The following ZNF366 variants were observed in gnomAD, a reference collection of about 807,000 sequenced individuals.
ZNF366 encodes zinc finger protein 366.
ZNF366 carries 20 observed loss-of-function variants against 47.2 expected under a neutral mutation model. That is an observed-to-expected ratio of 0.42 (90% CI 0.30 to 0.62). The LOEUF (loss-of-function observed/expected upper bound fraction) is 0.62, where lower values mean the gene tolerates loss of function less well. Ranked by LOEUF, ZNF366 falls within the 20% of genes least tolerant of loss-of-function variation. The pLI, the probability that ZNF366 is intolerant of heterozygous loss-of-function variation, is 0.16. For missense variants in ZNF366, 987 were observed against 976.3 expected, an observed-to-expected ratio of 1.01 and a Z score of -0.15; for synonymous variants, 421 against 395.1, an observed-to-expected ratio of 1.07 and a Z score of -0.78.
In ZNF366 at chr5:72,446,692, A is replaced by G. The variant is rs57345064; in HGVS notation, c.1699+551T>C. Among the ~76,000 whole-genome samples the G allele has an allele frequency of 6.2e-3, 947 of 152,354 alleles. 8 individuals carry two copies. Among genetic ancestry groups the G allele is most frequent in the African/African-American group, 0.021 (889 of 41,584 alleles). On this transcript the variant is annotated intron_variant, in intron 4 of 4. Coordinates refer to ENST00000318442, the MANE Select transcript of ZNF366 (RefSeq NM_152625.3). Reference sequence around the variant, plus strand: ...TGGGTGTGTCTGATTGTGAACAAGTAGGAAAGACCTAGCCTGCTACCAACA... The same window carrying G: ...TGGGTGTGTCTGATTGTGAACAAGTGGGAAAGACCTAGCCTGCTACCAACA...
chr5:72,479,414 A>AAAAAATT (rs1743741312), intron 1 of ZNF366, among the ~76,000 whole-genome samples: 1 of 152,004 alleles, frequency 6.6e-6, no homozygotes, highest in Non-Finnish European at 1.5e-5. Context: ...TAAAAAAATT[A>AAAAAATT]AAAAATTAAA....
chr5:72,461,061 CAA>C lies in ZNF366; in HGVS notation c.434_435del (p.Phe145TrpfsTer11). The C allele has an allele frequency of 6.2e-7, 1 of 1,614,126 alleles. No homozygotes were observed. The highest frequency in any genetic ancestry group is 8.5e-7 in the Non-Finnish European group (1 of 1,180,032). ...GFQFYRSLEH[F>X]GGKPVKQEPI... ...GGTTCCTGCTTGACGGGCTTGCCCC[CAA>C]AGTGTTCCAGGCTGCGGTAGAATTG... On this transcript the variant is annotated frameshift_variant, in exon 2 of 5. Transcript: ENST00000318442. LOFTEE classifies it high-confidence loss of function.
chr5:72,446,402 C>T (rs925454444), intron 4 of ZNF366, among the ~76,000 whole-genome samples: 6 of 152,306 alleles, frequency 3.9e-5, no homozygotes, highest in Admixed American at 1.3e-4. Flanking sequence ...TAGTATCTGC[C>T]GCTGCGTGTA....
chr5:72,486,243 A>G (rs1743890567), intron 1 of ZNF366, among the ~76,000 whole-genome samples: 1 of 152,200 alleles, frequency 6.6e-6, no homozygotes, highest in Non-Finnish European at 1.5e-5. Context: ...AGCTTAGCCT[A>G]TGCACCTGAA....
chr5:72,506,674 G>A (rs946619913), intron 1 of ZNF366, among the ~76,000 whole-genome samples: 2 of 152,166 alleles, frequency 1.3e-5, no homozygotes, highest in Non-Finnish European at 2.9e-5. Flanking sequence ...TGGGGAACCT[G>A]AACACATAAG....
chr5:72,498,218 A>G (rs981634854), intron 1 of ZNF366, among the ~76,000 whole-genome samples: 2 of 152,130 alleles, frequency 1.3e-5, no homozygotes, highest in Non-Finnish European at 2.9e-5. Flanking sequence ...TATTTTTAAC[A>G]TTTTAAGTCT....
chr5:72,464,367 G>A (rs963554079), intron 1 of ZNF366, among the ~76,000 whole-genome samples: 3 of 152,122 alleles, frequency 2.0e-5, no homozygotes, highest in Admixed American at 6.5e-5. Context: ...GTCTATGCAC[G>A]TTATTATTGC....
Position 72,465,315 on chromosome 5 carries a change from C to T in ZNF366, c.-14-3805G>A, listed in dbSNP as rs564360392. On this transcript the variant is annotated intron_variant, in intron 1 of 4. Coordinates refer to ENST00000318442, the MANE Select transcript of ZNF366 (RefSeq NM_152625.3). ...CAGCACCAGGTGATAAGGAGAAGCC[C>T]GAGGTGGTGAAACAACAACAACAAC... 7.2e-5 allele frequency among the ~76,000 whole-genome samples: 11 copies of T among 152,090 alleles called. No homozygotes were observed. The South Asian group carries it at 2.1e-3, about 29-fold the overall frequency.
intron 1 of ZNF366, among the ~76,000 whole-genome samples, chr5:72,486,219 G>A (rs1228608625): frequency 1.3e-5 from 2 of 152,200 alleles, no homozygotes; most frequent in Non-Finnish European, 2.9e-5. Context: ...AACATCTGTT[G>A]ACTGTGAGAC....
At chr5:72,455,606 G>T (rs1398408972) in intron 3 of ZNF366, among the ~76,000 whole-genome samples, 3 of 152,204 alleles carry the variant, frequency 2.0e-5, no homozygotes, top group African/African-American at 4.8e-5. Flanking sequence ...CTCTTGTGGG[G>T]TGGGGACAGC....
intron 1 of ZNF366, among the ~76,000 whole-genome samples, chr5:72,490,084 C>A (rs1170817855): frequency 6.6e-6 from 1 of 152,216 alleles, no homozygotes; most frequent in Non-Finnish European, 1.5e-5. Context: ...TTCCTCCTTG[C>A]TGACTCCTTA....
At chr5:72,452,993 G>A (rs1387438438) in intron 3 of ZNF366, among the ~76,000 whole-genome samples, 1 of 152,172 alleles carries the variant, frequency 6.6e-6, no homozygotes, top group Non-Finnish European at 1.5e-5. Context: ...AACAGCAAAA[G>A]AGCCGAGAAG....
intron 1 of ZNF366, among the ~76,000 whole-genome samples, chr5:72,498,514 T>C (rs1054203489): frequency 1.3e-5 from 2 of 152,218 alleles, no homozygotes; most frequent in Non-Finnish European, 2.9e-5. Context: ...ACACAGTAAG[T>C]GAATGAAGTG....
chr5:72,452,330 T>C (rs1743090817), intron 3 of ZNF366, among the ~76,000 whole-genome samples: 1 of 152,146 alleles, frequency 6.6e-6, no homozygotes, highest in South Asian at 2.1e-4. Flanking sequence ...CTTTGAAAAG[T>C]ACAAGAGAAA....
intron 3 of ZNF366, among the ~76,000 whole-genome samples, chr5:72,448,074 A>G (rs1742993518): frequency 6.6e-6 from 1 of 152,242 alleles, no homozygotes; most frequent in Admixed American, 6.5e-5. Flanking sequence ...ATTCTTATAT[A>G]CAATGTATTA....
At chr5:72,446,603 GGT>G (rs1742963782) in intron 4 of ZNF366, among the ~76,000 whole-genome samples, 1 of 152,166 alleles carries the variant, frequency 6.6e-6, no homozygotes, top group Non-Finnish European at 1.5e-5. Flanking sequence ...CAGTGGGGGA[GGT>G]GTAAACCCCT....
At position 72,440,488 on chromosome 5, in the gene ZNF366, G is replaced by A. The variant is rs1052499328; in HGVS notation, c.*3268C>T. 3 of 152,214 alleles carry A rather than the reference G, an allele frequency of 2.0e-5. No homozygotes were observed. Among genetic ancestry groups the A allele is most frequent in the Admixed American group, 1.3e-4 (2 of 15,270 alleles). 9.4% of individuals were successfully genotyped at this position (152,214 alleles called of 1,614,324 possible). A position where few individuals can be genotyped will look rare whatever the true frequency, so the allele number is the denominator to read the frequency against. On this transcript the variant is annotated 3_prime_UTR_variant, in exon 5 of 5. Transcript: ENST00000318442. ...AGCATTTGGTAGTGACCTATTTTCA[G>A]AGTCTCACAATATGATATTCTGGTT...
At chr5:72,455,991 G>C (rs948995906) in intron 3 of ZNF366, among the ~76,000 whole-genome samples, 10 of 152,198 alleles carry the variant, frequency 6.6e-5, no homozygotes, top group Admixed American at 6.5e-4. Flanking sequence ...TGTGCTAGAA[G>C]CTTCTCTGAC....
chr5:72,475,288 G>A (rs1376491390), intron 1 of ZNF366, among the ~76,000 whole-genome samples: 1 of 152,182 alleles, frequency 6.6e-6, no homozygotes, highest in African/African-American at 2.4e-5. Flanking sequence ...CCCAACACAA[G>A]GAAGGCCCAT....
Sources: gnomAD v4.1 joint callset for allele counts (sites outside exome capture counted in the v4.1 genomes callset) on GRCh38, gnomAD v4.1.1 for gene constraint, MANE v1.5 for transcripts, NCBI Gene and HGNC (gene_info 2026-07-23, HGNC 2026-07-21) for gene names.